Variants in LARGE1 observed in about 807,000 individuals in gnomAD.
LARGE1 encodes xylosyl- and glucuronyltransferase LARGE1.
In LARGE1, 43 loss-of-function variants were observed where a neutral mutation model predicts 87.6. The ratio of observed to expected loss-of-function variants is 0.49; its 90% CI spans 0.38 to 0.63. The LOEUF (loss-of-function observed/expected upper bound fraction) is 0.63. LARGE1 is among the 30% of genes least tolerant of loss of function. The pLI is 0.00. For missense variants in LARGE1, 802 were observed against 1,000.2 expected (o/e 0.80, Z 2.67); for synonymous variants, 434 against 394.6 (o/e 1.10, Z -1.18).
intron 3 of LARGE1, among the ~76,000 whole-genome samples, chr22:33,636,630 C>T (rs934925527): frequency 3.3e-5 from 5 of 152,228 alleles, no homozygotes; most frequent in South Asian, 2.1e-4. Flanking sequence ...TGGGCTCAAG[C>T]GATCCTCTCA....
intron 8 of LARGE1, among the ~76,000 whole-genome samples, chr22:33,383,451 T>G (rs1308326781): frequency 6.6e-6 from 1 of 151,920 alleles, no homozygotes; most frequent in East Asian, 1.9e-4. Context: ...TCCTAGCGAC[T>G]TGGGAGGCTG....
intron 1 of LARGE1, among the ~76,000 whole-genome samples, chr22:33,777,502 G>C (rs1017066848): frequency 6.6e-6 from 1 of 152,010 alleles, no homozygotes; most frequent in Admixed American, 6.6e-5. Context: ...AATTAGCCAG[G>C]TGTGGTGCCA....
intron 9 of LARGE1, among the ~76,000 whole-genome samples, chr22:33,373,380 T>C (rs2064882980): frequency 6.6e-6 from 1 of 152,260 alleles, no homozygotes; most frequent in African/African-American, 2.4e-5. Flanking sequence ...GCAAAATTTC[T>C]TCCTGAGATC....
intron 1 of LARGE1, among the ~76,000 whole-genome samples, chr22:33,894,966 T>C (rs774771709): frequency 6.6e-6 from 1 of 152,016 alleles, no homozygotes; most frequent in Non-Finnish European, 1.5e-5. Context: ...TTTAATGGGA[T>C]AACAAATGGG....
intron 1 of LARGE1, among the ~76,000 whole-genome samples, chr22:33,841,988 G>T (rs2063293364): frequency 6.6e-6 from 1 of 152,144 alleles, no homozygotes. Flanking sequence ...ACAAATAACA[G>T]TCTAAAATAT....
chr22:33,666,712 G>A (rs1250931955), intron 2 of LARGE1, among the ~76,000 whole-genome samples: 1 of 152,200 alleles, frequency 6.6e-6, no homozygotes, highest in Non-Finnish European at 1.5e-5. Context: ...GTCTGAGGCA[G>A]CAGTCTCCAG....
chr22:33,410,585 T>G (rs2066274070), intron 7 of LARGE1, among the ~76,000 whole-genome samples: 1 of 152,122 alleles, frequency 6.6e-6, no homozygotes, highest in Non-Finnish European at 1.5e-5. Context: ...CCCACCATGA[T>G]TATAAGTTTC....
chr22:33,633,201 G>A (rs1286793677), intron 3 of LARGE1, among the ~76,000 whole-genome samples: 1 of 152,184 alleles, frequency 6.6e-6, no homozygotes, highest in African/African-American at 2.4e-5. Flanking sequence ...CAATTTGATA[G>A]TTAACCAGGA....
chr22:33,209,863 G>A (rs1449961298), intron 11 of LARGE1, among the ~76,000 whole-genome samples: 1 of 151,964 alleles, frequency 6.6e-6, no homozygotes, highest in Non-Finnish European at 1.5e-5. Flanking sequence ...TTTCCGGGCT[G>A]GTCTCGAACT....
At chr22:33,532,787 A>G (rs2076936105) in intron 6 of LARGE1, among the ~76,000 whole-genome samples, 1 of 152,348 alleles carries the variant, frequency 6.6e-6, no homozygotes, top group South Asian at 2.1e-4. Flanking sequence ...ACATACACCA[A>G]GAATGTGTTC....
intron 6 of LARGE1, among the ~76,000 whole-genome samples, chr22:33,529,401 C>T (rs1339570575): frequency 6.6e-6 from 1 of 152,200 alleles, no homozygotes; most frequent in African/African-American, 2.4e-5. Flanking sequence ...TGCCCCATTA[C>T]CTACTGGGAA....
intron 1 of LARGE1, among the ~76,000 whole-genome samples, chr22:33,846,241 T>A (rs990512166): frequency 3.9e-5 from 6 of 152,224 alleles, no homozygotes; most frequent in African/African-American, 1.4e-4. Context: ...TCATGGACAT[T>A]TATTAGTTCC....
intron 6 of LARGE1, among the ~76,000 whole-genome samples, chr22:33,481,091 A>C (rs2069301221): frequency 6.6e-6 from 1 of 152,032 alleles, no homozygotes; most frequent in African/African-American, 2.4e-5. Flanking sequence ...AAATATATAC[A>C]TATTTTAAAA....
intron 5 of LARGE1, among the ~76,000 whole-genome samples, chr22:33,581,578 C>T (rs1239512520): frequency 1.3e-5 from 2 of 152,066 alleles, no homozygotes; most frequent in East Asian, 3.9e-4. Context: ...CTTTGGGAGG[C>T]TGAGGTGGGC....
chr22:33,346,449 T>C (rs1225482001), intron 9 of LARGE1, among the ~76,000 whole-genome samples: 1 of 152,044 alleles, frequency 6.6e-6, no homozygotes, highest in African/African-American at 2.4e-5. Context: ...ACTACAGGCA[T>C]GCGCCGCCAC....
intron 9 of LARGE1, among the ~76,000 whole-genome samples, chr22:33,381,086 C>A (rs770500445): frequency 2.6e-5 from 4 of 152,190 alleles, no homozygotes; most frequent in African/African-American, 9.7e-5. Context: ...ACCTCTGCCT[C>A]ACCATGAGAA....
intron 1 of LARGE1, among the ~76,000 whole-genome samples, chr22:33,870,687 A>T (rs913526378): frequency 6.6e-6 from 1 of 151,840 alleles, no homozygotes; most frequent in East Asian, 1.9e-4. Flanking sequence ...TCCTGCCTCA[A>T]CCTCCTGAGT....
At chr22:33,141,095 A>G in the LARGE1 span, among the ~76,000 whole-genome samples, 2 of 152,106 alleles carry the variant, frequency 1.3e-5, no homozygotes, top group East Asian at 3.9e-4. Flanking sequence ...AATATTAACA[A>G]GTAGAACATA....
At chr22:33,708,245 TGGAGGGAG>T (rs1293722418) in intron 2 of LARGE1, among the ~76,000 whole-genome samples, 1 of 147,238 alleles carries the variant, frequency 6.8e-6, no homozygotes. Context: ...GAGCTGCTAT[TGGAGGGAG>T]GGAGGGAGGG....
Sources: allele counts gnomAD v4.1 joint callset (sites outside exome capture counted in the v4.1 genomes callset), GRCh38; gene constraint gnomAD v4.1.1; transcripts MANE v1.5; gene names NCBI Gene and HGNC (gene_info 2026-07-23, HGNC 2026-07-21).